Variants in NXPE2 observed in about 807,000 individuals in gnomAD.
NXPE2 encodes the protein neurexophilin and PC-esterase domain family member 2, also known as NXPE family member 2.
NXPE2 carries 34 observed loss-of-function variants against 34.4 expected under a neutral mutation model. That is an observed-to-expected ratio of 0.99 (90% CI 0.75 to 1.31). The LOEUF is 1.31. Among genes scored for constraint, NXPE2 ranks in the 40% most tolerant of loss-of-function variants. The probability of loss-of-function intolerance (pLI) is 0.00; values close to 1 mark genes in which losing one functional copy is unlikely to be tolerated. For synonymous variants in NXPE2, 235 were observed against 231.3 expected (o/e 1.02, Z -0.15); for missense variants, 649 against 672.5 (o/e 0.97, Z 0.39).
At chr11:114,526,770 C>T in the NXPE2 span, 2 of 152,304 alleles carry the variant, frequency 1.3e-5, no homozygotes, top group East Asian at 3.9e-4. Flanking sequence ...TTACTTCTAA[C>T]AAGGAATAAT....
At chr11:114,580,078 A>G in the NXPE2 span, 2,258 of 1,439,420 alleles carry the variant, frequency 1.6e-3, 3 homozygotes, top group Non-Finnish European at 2.1e-3. Flanking sequence ...CCCCTTTGAA[A>G]TGGAAAAGAA....
the NXPE2 span, chr11:114,527,121 G>A: frequency 6.6e-6 from 1 of 152,262 alleles, no homozygotes; most frequent in Non-Finnish European, 1.5e-5. Context: ...CTCAGTAAAT[G>A]TTTGCTGATC....
chr11:114,629,858 C>T, the NXPE2 span, among the ~76,000 whole-genome samples: 2 of 150,098 alleles, frequency 1.3e-5, no homozygotes, highest in South Asian at 2.1e-4. Context: ...AAAATCACAA[C>T]CATTCTTATA....
the NXPE2 span, among the ~76,000 whole-genome samples, chr11:114,590,939 T>A: frequency 3.3e-5 from 5 of 152,166 alleles, no homozygotes; most frequent in African/African-American, 1.2e-4. Flanking sequence ...GCAGTTCTGT[T>A]AAAAACTTGT....
the NXPE2 span, among the ~76,000 whole-genome samples, chr11:114,742,275 T>A: frequency 2.9e-4 from 44 of 152,272 alleles, no homozygotes; most frequent in Non-Finnish European, 5.3e-4. Flanking sequence ...GTTGTTGTTG[T>A]TCTGCGGATA....
chr11:114,668,883 T>C, the NXPE2 span, among the ~76,000 whole-genome samples: 27 of 152,056 alleles, frequency 1.8e-4, no homozygotes, highest in African/African-American at 5.1e-4. Context: ...CAACCAAAGG[T>C]ATACAATAAA....
At chr11:114,530,484 TG>T in the NXPE2 span, 1 of 1,614,206 alleles carries the variant, frequency 6.2e-7, no homozygotes, top group Non-Finnish European at 8.5e-7. Flanking sequence ...CAGGGAGACC[TG>T]GCCCTCCCAG....
At chr11:114,754,265 C>T in the NXPE2 span, among the ~76,000 whole-genome samples, 1 of 152,038 alleles carries the variant, frequency 6.6e-6, no homozygotes, top group South Asian at 2.1e-4. Context: ...TCTGGGCATC[C>T]CTGACCTCAA....
the NXPE2 span, among the ~76,000 whole-genome samples, chr11:114,641,365 A>G: frequency 6.6e-6 from 1 of 152,090 alleles, no homozygotes; most frequent in African/African-American, 2.4e-5. Context: ...ACCCAAAAAT[A>G]GACTACATAC....
chr11:114,616,228 G>T, the NXPE2 span, among the ~76,000 whole-genome samples: 53 of 151,512 alleles, frequency 3.5e-4, no homozygotes, highest in African/African-American at 1.2e-3. Context: ...AATAAGTATT[G>T]CCTCACTGGT....
chr11:114,771,358 T>G, the NXPE2 span, among the ~76,000 whole-genome samples: 1 of 149,226 alleles, frequency 6.7e-6, no homozygotes, highest in Non-Finnish European at 1.5e-5. Context: ...ACAAGGATAT[T>G]CAAAGTGATC....
chr11:114,644,978 A>G, the NXPE2 span, among the ~76,000 whole-genome samples: 1 of 151,918 alleles, frequency 6.6e-6, no homozygotes, highest in East Asian at 1.9e-4. Context: ...AAAAGCATAA[A>G]CACTTAATAA....
chr11:114,743,930 TAA>T, the NXPE2 span, among the ~76,000 whole-genome samples: 7 of 151,482 alleles, frequency 4.6e-5, no homozygotes, highest in African/African-American at 1.2e-4. Context: ...TATGTATATA[TAA>T]GTGTATATTT....
At chr11:114,622,970 T>C in the NXPE2 span, among the ~76,000 whole-genome samples, 1 of 152,058 alleles carries the variant, frequency 6.6e-6, no homozygotes, top group Non-Finnish European at 1.5e-5. Context: ...GTAATATGTA[T>C]TGCCTCGTAG....
At chr11:114,625,272 C>T in the NXPE2 span, among the ~76,000 whole-genome samples, 367 of 148,336 alleles carry the variant, frequency 2.5e-3, 1 homozygote, top group African/African-American at 8.5e-3. Flanking sequence ...GTGGGTAATA[C>T]GAGTTGCCTC....
At chr11:114,613,036 G>C in the NXPE2 span, among the ~76,000 whole-genome samples, 3 of 151,772 alleles carry the variant, frequency 2.0e-5, no homozygotes, top group African/African-American at 7.3e-5. Flanking sequence ...ACTGTTACCT[G>C]GTGGATAATA....
the NXPE2 span, among the ~76,000 whole-genome samples, chr11:114,670,111 C>G: frequency 6.6e-6 from 1 of 151,942 alleles, no homozygotes; most frequent in Non-Finnish European, 1.5e-5. Context: ...TCAAAGGAGT[C>G]TATATTTAAT....
the NXPE2 span, among the ~76,000 whole-genome samples, chr11:114,790,748 A>C: frequency 6.2e-4 from 95 of 152,324 alleles, no homozygotes; most frequent in Middle Eastern, 0.014. Context: ...CTTTTCATTC[A>C]TCATCCTCTA....
the NXPE2 span, among the ~76,000 whole-genome samples, chr11:114,539,196 T>C: frequency 6.7e-6 from 1 of 149,300 alleles, no homozygotes; most frequent in Non-Finnish European, 1.5e-5. Flanking sequence ...AAAAACCAAA[T>C]ACCGCATGTT....
Sources: allele counts gnomAD v4.1 joint callset (sites outside exome capture counted in the v4.1 genomes callset), GRCh38; gene constraint gnomAD v4.1.1; transcripts MANE v1.5; gene names NCBI Gene and HGNC (gene_info 2026-07-23, HGNC 2026-07-21).